Variants in TP73 observed in about 807,000 individuals in gnomAD.
The protein encoded by TP73 is p53-like transcription factor.
Under a neutral mutation model 62.5 loss-of-function variants are expected in TP73, and 25 were observed. The ratio of observed to expected loss-of-function variants is 0.40; its 90% confidence interval spans 0.29 to 0.56. The LOEUF (loss-of-function observed/expected upper bound fraction) is 0.56. Ranked by LOEUF, TP73 falls within the 20% of genes least tolerant of loss-of-function variation. The probability of loss-of-function intolerance (pLI) is 0.46; values close to 1 mark genes in which losing one functional copy is unlikely to be tolerated. For synonymous variants in TP73, 423 were observed against 377.5 expected (o/e 1.12, Z -1.40); for missense variants, 754 against 913.3 (o/e 0.83, Z 2.25).
Position 3,699,168 on chromosome 1 carries a change from T to C in TP73, c.187-8381T>C, listed in dbSNP as rs1638942340. ...CCCCCAGCCGCATGTCGAATCTTGT[T>C]GGCATTTCCATTCGTTTAATCACGG... On this transcript the variant is annotated intron_variant, in intron 3 of 13. Transcript: ENST00000378295. The surrounding 1 kb of genome is among the most constrained non-coding windows in gnomAD (Gnocchi z 4.1). Among the ~76,000 whole-genome samples the C allele has an allele frequency of 6.6e-6, 1 of 152,080 alleles. No homozygotes were observed. Among genetic ancestry groups the C allele is most frequent in the South Asian group, 2.1e-4 (1 of 4,824 alleles).
rs1368780410 is a variant in TP73, at chr1:3,734,273, C to A, written c.*1194C>A. The A allele has an allele frequency of 1.3e-5, 2 of 152,218 alleles. No homozygotes were observed. The highest frequency in any genetic ancestry group is 2.9e-5 in the Non-Finnish European group (2 of 68,102). 9.4% of individuals were successfully genotyped at this position (152,218 alleles called of 1,614,324 possible). ...GAGCACCCCAGGGAGTTAGTAGGCC[C>A]CGGGGAGACAGAGTCTGCACAGGCC... On this transcript the variant is annotated 3_prime_UTR_variant, in exon 14 of 14. Coordinates refer to ENST00000378295, the MANE Select transcript of TP73 (RefSeq NM_005427.4). The surrounding 1 kb of genome is among the most constrained non-coding windows in gnomAD (Gnocchi z 4.4).
chr1:3,664,393 G>C (rs1216989906), intron 1 of TP73, among the ~76,000 whole-genome samples: 2 of 152,222 alleles, frequency 1.3e-5, no homozygotes, highest in East Asian at 3.8e-4. Flanking sequence ...GGCAGGGTTG[G>C]GGGTGGCACC....
At chr1:3,657,042 T>G (rs1410604065) in intron 1 of TP73, among the ~76,000 whole-genome samples, 1 of 152,262 alleles carries the variant, frequency 6.6e-6, no homozygotes, top group East Asian at 1.9e-4. Context: ...CGACTTAATG[T>G]ATGAACAAAG....
In TP73 at chr1:3,666,150, A is replaced by AAAAG. The variant is rs1645109111; in HGVS notation, c.-34+13510_-34+13511insAAGA. 7.2e-6 allele frequency among the ~76,000 whole-genome samples: 1 copy of AAAAG among 138,632 alleles called. No homozygotes were observed. Among genetic ancestry groups the AAAAG allele is most frequent in the African/African-American group, 2.9e-5 (1 of 33,958 alleles). The allele number at this position is 138,632 out of a possible 152,430, so 90.9% of individuals were successfully genotyped here. A position where few individuals can be genotyped will look rare whatever the true frequency, so the allele number is the denominator to read the frequency against. On this transcript the variant is annotated intron_variant, in intron 1 of 13. Coordinates refer to ENST00000378295, the MANE Select transcript of TP73 (RefSeq NM_005427.4). The surrounding 1 kb of genome is among the most constrained non-coding windows in gnomAD (Gnocchi z 6.4). The stretch of plus-strand genomic sequence containing the variant: ...AAAAAAAAAAAAAAAAAAAAAAAAA[A>AAAAG]AGAGAGAGAGAGAGAGAGAATCTCA...
intron 12 of TP73, 36 bp from the exon 13 acceptor site, chr1:3,731,427 G>A (rs771478398): frequency 3.8e-6 from 6 of 1,599,528 alleles, no homozygotes; most frequent in Admixed American, 3.3e-5. Flanking sequence ...GTGCTCGGAA[G>A]CTAATGCTGC....
At chr1:3,676,367 A>C in intron 1 of TP73, among the ~76,000 whole-genome samples, 1 of 94,792 alleles carries the variant, frequency 1.1e-5, no homozygotes, top group Non-Finnish European at 2.0e-5. Context: ...ATGGGGGGCT[A>C]GGGGACAAAG....
Position 3,696,453 on chromosome 1 carries a change from A to G in TP73, c.187-11096A>G, listed in dbSNP as rs1487355348. Among the ~76,000 whole-genome samples the G allele has an allele frequency of 6.6e-6, 1 of 151,872 alleles. No homozygotes were observed. The highest frequency in any genetic ancestry group is 1.5e-5 in the Non-Finnish European group (1 of 67,970). ...CCTCTAGGGAGTCCTGCACATGGGC[A>G]CTTACAGTCAGGGCTCTGGGGGATC... On this transcript the variant is annotated intron_variant, in intron 3 of 13. Transcript: ENST00000378295. This position sits in a 1 kb window ranked among gnomAD's most constrained non-coding sequence, Gnocchi z 4.1.
chr1:3,655,657 T>A (rs1644850100), intron 1 of TP73, among the ~76,000 whole-genome samples: 1 of 152,244 alleles, frequency 6.6e-6, no homozygotes, highest in Non-Finnish European at 1.5e-5. Flanking sequence ...TTATCACCAG[T>A]AAGTAGGCTG....
rs10910015 is a variant in TP73, at chr1:3,708,014, C to T, written c.429+223C>T. On this transcript the variant is annotated intron_variant, in intron 4 of 13. Transcript: ENST00000378295. ...ACGTGAGTGGCCAGAGCCAGTCAGC[C>T]TCCAAAGGGCCACAGAGGGGACGGA... The T allele has an allele frequency of 5.9e-6, 4 of 682,742 alleles. No individual in the cohort carries two copies. In the African/African-American group the frequency reaches 7.2e-5, roughly 12 times the overall value. 42.3% of individuals were successfully genotyped at this position (682,742 alleles called of 1,614,324 possible).
At chr1:3,700,509 TA>T (rs78081454) in intron 3 of TP73, among the ~76,000 whole-genome samples, 4,293 of 151,890 alleles carry the variant, frequency 0.028, 104 homozygotes, top group East Asian at 0.089. Context: ...CATCTACTTG[TA>T]AAAAAAATCA....
At chr1:3,725,681 G>T (rs1641465377) in intron 6 of TP73, among the ~76,000 whole-genome samples, 1 of 133,174 alleles carries the variant, frequency 7.5e-6, no homozygotes, top group African/African-American at 2.8e-5. Context: ...TGGATAGACT[G>T]ATATTGTTGA....
rs1229430598 is a variant in TP73 at position 3,715,224 on chromosome 1, C to T, written c.430-6797C>T. Among the ~76,000 whole-genome samples, 4 of 152,174 alleles carry T rather than the reference C, an allele frequency of 2.6e-5. No homozygotes were observed. In the East Asian group the frequency reaches 7.7e-4, roughly 29 times the overall value. ...CCCTTACCCCTAAGGGGCTTAAGTC[C>T]AGCCACGGGGTAAGAAGCCCATGTC... is the stretch of plus-strand genomic sequence containing the variant. On this transcript the variant is annotated intron_variant, in intron 4 of 13. Coordinates refer to ENST00000378295, the MANE Select transcript of TP73 (RefSeq NM_005427.4).
rs1431058443 is a variant in TP73 at position 3,701,611 on chromosome 1, T to C, written c.187-5938T>C. On this transcript the variant is annotated intron_variant, in intron 3 of 13. Coordinates refer to ENST00000378295, the MANE Select transcript of TP73 (RefSeq NM_005427.4). This position sits in a 1 kb window ranked among gnomAD's most constrained non-coding sequence, Gnocchi z 4.7. ...CCTCTGCCTCCCGGGTTCAAGCAAT[T>C]CTCCTTGCTCATCCTCCCAAGTAGC... Among the ~76,000 whole-genome samples, 1 of 152,098 alleles carries C rather than the reference T, an allele frequency of 6.6e-6. No individual in the cohort carries two copies. The highest frequency in any genetic ancestry group is 1.5e-5 in the Non-Finnish European group (1 of 68,020).
rs930245654 is a variant in TP73 at position 3,736,022 on chromosome 1, G to A, written c.*2943G>A. The A allele has an allele frequency of 2.6e-5, 4 of 152,252 alleles. No homozygotes were observed. The highest frequency in any genetic ancestry group is 2.9e-5 in the Non-Finnish European group (2 of 68,050). The allele number at this position is 152,252 out of a possible 1,614,324, so 9.4% of individuals were successfully genotyped here. A position where few individuals can be genotyped will look rare whatever the true frequency, so the allele number is the denominator to read the frequency against. On this transcript the variant is annotated 3_prime_UTR_variant, in exon 14 of 14. Coordinates refer to ENST00000378295, the MANE Select transcript of TP73 (RefSeq NM_005427.4). ...CACTTTAATGCTTTAAGGTGAAAAC[G>A]AAATCCCATCCGTGTTTTTCGTGTA... is the stretch of plus-strand genomic sequence containing the variant.
intron 1 of TP73, among the ~76,000 whole-genome samples, chr1:3,676,414 G>T (rs1645370394): frequency 7.2e-6 from 1 of 138,590 alleles, no homozygotes; most frequent in Non-Finnish European, 1.6e-5. Context: ...GGGGGACAGG[G>T]AGACAGGGGG....
In TP73 at chr1:3,729,629, C is replaced by G. The variant is rs781617179; in HGVS notation, c.1196+181C>G. 3.7e-6 allele frequency: 4 copies of G among 1,081,822 alleles called. No homozygotes were observed. In the East Asian group the frequency reaches 9.6e-5, roughly 26 times the overall value. The allele number at this position is 1,081,822 out of a possible 1,614,324, so 67.0% of individuals were successfully genotyped here. A position where few individuals can be genotyped will look rare whatever the true frequency, so the allele number is the denominator to read the frequency against. On this transcript the variant is annotated intron_variant, in intron 10 of 13. Coordinates refer to ENST00000378295, the MANE Select transcript of TP73 (RefSeq NM_005427.4). The stretch of plus-strand genomic sequence containing the variant: ...CCAGGAAGCCTTCTAGCACTTGGGG[C>G]TGCCCTGGGACCCTGGGTCATGGCC...
intron 5 of TP73, among the ~76,000 whole-genome samples, chr1:3,722,742 T>A (rs191725924): frequency 1.5e-3 from 213 of 144,990 alleles, no homozygotes; most frequent in African/African-American, 4.9e-3. Context: ...TCTCTTCACC[T>A]GGCATGGGGC....
chr1:3,711,957 C>T (rs528747203), intron 4 of TP73, among the ~76,000 whole-genome samples: 2 of 152,198 alleles, frequency 1.3e-5, no homozygotes, highest in South Asian at 2.1e-4. Context: ...TATGGAAGGA[C>T]GGCCAGGGAA....
rs150879157 is a variant in TP73 at position 3,655,012 on chromosome 1, C to T, written c.-34+2371C>T. ...TGCCCTTGCCCAGCGGCGGTATTAA[C>T]CCTGAGATTCCGAGCACACCAAAGT... is the stretch of plus-strand genomic sequence containing the variant. On this transcript the variant is annotated intron_variant, in intron 1 of 13. Transcript: ENST00000378295. Among the ~76,000 whole-genome samples, 364 of 152,358 alleles carry T rather than the reference C, an allele frequency of 2.4e-3. 2 individuals are homozygous for T. Among genetic ancestry groups the T allele is most frequent in the African/African-American group, 8.4e-3 (349 of 41,582 alleles).
Sources: allele counts gnomAD v4.1 joint callset (sites outside exome capture counted in the v4.1 genomes callset), GRCh38; gene constraint gnomAD v4.1.1; non-coding constraint Gnocchi (gnomAD v3.1); transcripts MANE v1.5; gene names NCBI Gene and HGNC (gene_info 2026-07-23, HGNC 2026-07-21).